Variants in ARID4B observed in about 807,000 individuals in gnomAD.
ARID4B encodes AT-rich interactive domain-containing protein 4B.
ARID4B carries 26 observed loss-of-function variants against 147.5 expected under a neutral mutation model. The observed-to-expected ratio is 0.18, with a 90% CI of 0.13 to 0.24. The LOEUF is 0.24. ARID4B is among the 10% of genes least tolerant of loss of function. The pLI is 1.00. For synonymous variants in ARID4B, 512 were observed against 507.9 expected, an observed-to-expected ratio of 1.01 and a Z score of -0.11; for missense variants, 1,179 against 1,511.5, an observed-to-expected ratio of 0.78 and a Z score of 3.65.
At chr1:235,203,670 T>C (rs1261853796) in intron 17 of ARID4B, among the ~76,000 whole-genome samples, 2 of 152,162 alleles carry the variant, frequency 1.3e-5, no homozygotes, top group Admixed American at 1.3e-4. Flanking sequence ...AAAAAGTTAA[T>C]GTATGTCATA....
intron 17 of ARID4B, among the ~76,000 whole-genome samples, chr1:235,213,552 C>A (rs1666842696): frequency 6.6e-6 from 1 of 152,064 alleles, no homozygotes; most frequent in Non-Finnish European, 1.5e-5. Context: ...GTGTGTAGAC[C>A]TCGGTTTTCT....
chr1:235,225,147 G>A (rs1240528013), intron 11 of ARID4B, among the ~76,000 whole-genome samples: 63 of 152,204 alleles, frequency 4.1e-4, no homozygotes, highest in Non-Finnish European at 2.1e-4. Context: ...CTCAACTTAT[G>A]CGAAACTGGA....
At chr1:235,292,880 T>A (rs914485184) in intron 2 of ARID4B, among the ~76,000 whole-genome samples, 1 of 152,104 alleles carries the variant, frequency 6.6e-6, no homozygotes, top group Non-Finnish European at 1.5e-5. Flanking sequence ...ACTAGAAATA[T>A]ACTGACAGAA....
At chr1:235,317,511 A>G (rs979978169) in intron 2 of ARID4B, among the ~76,000 whole-genome samples, 1 of 152,238 alleles carries the variant, frequency 6.6e-6, no homozygotes, top group African/African-American at 2.4e-5. Context: ...CCAGCTTAAA[A>G]TAACAGCCAC....
Position 235,168,520 on chromosome 1 carries a change from T to C in ARID4B, c.*5A>G. On this transcript the variant is annotated 3_prime_UTR_variant, in exon 24 of 24. Coordinates refer to ENST00000264183, the MANE Select transcript of ARID4B (RefSeq NM_016374.6). ...AAGTGCAAAGTGCTTTAGCAAGTCC[T>C]GCTGTCACCTGCACTCAACTGACAT... 1 of 1,613,906 alleles carries C rather than the reference T, an allele frequency of 6.2e-7. No individual in the cohort carries two copies.
intron 8 of ARID4B, among the ~76,000 whole-genome samples, chr1:235,236,862 ATTTTTTTTT>A (rs869157061): frequency 1.8e-3 from 32 of 17,482 alleles, no homozygotes; most frequent in South Asian, 4.6e-3. Context: ...ATATATATAT[ATTTTTTTTT>A]TTTTTTTTTT....
chr1:235,187,049 A>G (rs1460603173), intron 19 of ARID4B: 2 of 339,038 alleles, frequency 5.9e-6, no homozygotes, highest in Non-Finnish European at 1.1e-5. Flanking sequence ...ACTGCATCTT[A>G]TTCTTTTCTT....
intron 2 of ARID4B, among the ~76,000 whole-genome samples, chr1:235,262,936 T>C (rs981598998): frequency 2.0e-5 from 3 of 152,246 alleles, no homozygotes; most frequent in Non-Finnish European, 4.4e-5. Context: ...ATACTGAATA[T>C]ATTCAAGCTT....
intron 5 of ARID4B, among the ~76,000 whole-genome samples, chr1:235,253,247 G>C (rs896522387): frequency 6.6e-6 from 1 of 152,136 alleles, no homozygotes; most frequent in South Asian, 2.1e-4. Flanking sequence ...ATTTAAAGTA[G>C]GGTTTCTCAC....
At chr1:235,200,364 C>G (rs924236028) in intron 17 of ARID4B, among the ~76,000 whole-genome samples, 4 of 152,084 alleles carry the variant, frequency 2.6e-5, no homozygotes, top group Non-Finnish European at 5.9e-5. Flanking sequence ...GATGCTGAGG[C>G]AGGAGAAGAG....
rs577356765 is a variant in ARID4B at position 235,284,177 on chromosome 1, A to G, written c.7-23425T>C. 2.6e-3 allele frequency among the ~76,000 whole-genome samples: 399 copies of G among 152,252 alleles called. 3 individuals are homozygous for G. Among genetic ancestry groups the G allele is most frequent in the African/African-American group, 9.2e-3 (382 of 41,572 alleles). The stretch of plus-strand genomic sequence containing the variant: ...GGAGTTCGACACCAGCCTGGCCAAC[A>G]TGTGAAACCCCATCTCTACTAAACA... On this transcript the variant is annotated intron_variant, in intron 2 of 23. Coordinates refer to ENST00000264183, the MANE Select transcript of ARID4B (RefSeq NM_016374.6).
chr1:235,292,681 C>CT (rs991690530), intron 2 of ARID4B, among the ~76,000 whole-genome samples: 5 of 151,286 alleles, frequency 3.3e-5, no homozygotes, highest in Non-Finnish European at 5.9e-5. Flanking sequence ...CCTAAAAAAT[C>CT]TTTTTTTCAA....
At chr1:235,272,974 T>C (rs761266046) in intron 2 of ARID4B, among the ~76,000 whole-genome samples, 7 of 152,310 alleles carry the variant, frequency 4.6e-5, no homozygotes, top group Non-Finnish European at 7.4e-5. Context: ...GGGGCATTGG[T>C]AGCAAATATC....
chr1:235,222,051 A>G (rs1429957376), intron 13 of ARID4B, among the ~76,000 whole-genome samples: 1 of 151,866 alleles, frequency 6.6e-6, no homozygotes, highest in African/African-American at 2.4e-5. Flanking sequence ...CTGGGACTAT[A>G]GATGCACACC....
intron 6 of ARID4B, among the ~76,000 whole-genome samples, chr1:235,250,541 C>T (rs1558246162): frequency 6.6e-6 from 1 of 152,240 alleles, no homozygotes. Flanking sequence ...AGGATAAGTT[C>T]CATGTTTACA....
At chr1:235,308,815 C>T (rs1673782014) in intron 2 of ARID4B, among the ~76,000 whole-genome samples, 1 of 152,124 alleles carries the variant, frequency 6.6e-6, no homozygotes, top group African/African-American at 2.4e-5. Context: ...GGCGTGATCT[C>T]GGCTCGCTAC....
intron 17 of ARID4B, among the ~76,000 whole-genome samples, chr1:235,210,913 A>T (rs1310475111): frequency 6.6e-6 from 1 of 152,232 alleles, no homozygotes; most frequent in African/African-American, 2.4e-5. Flanking sequence ...ATACTCCTGG[A>T]ATTCTCTTTC....
At chr1:235,184,950 G>T (rs1447602422) in intron 19 of ARID4B, among the ~76,000 whole-genome samples, 1 of 152,122 alleles carries the variant, frequency 6.6e-6, no homozygotes, top group Non-Finnish European at 1.5e-5. Flanking sequence ...CCAAGCAGCT[G>T]GGACTACAGG....
chr1:235,256,560 T>C (rs548301850), intron 4 of ARID4B, among the ~76,000 whole-genome samples: 1 of 152,200 alleles, frequency 6.6e-6, no homozygotes, highest in Non-Finnish European at 1.5e-5. Flanking sequence ...CACTTGCCAA[T>C]GAGGAAAAAT....
Sources: allele counts gnomAD v4.1 joint callset (sites outside exome capture counted in the v4.1 genomes callset), GRCh38; gene constraint gnomAD v4.1.1; transcripts MANE v1.5; gene names NCBI Gene and HGNC (gene_info 2026-07-23, HGNC 2026-07-21).